Variants in ZFPM2 observed in about 807,000 individuals in gnomAD.
ZFPM2 encodes the protein zinc finger protein ZFPM2.
In ZFPM2, 20 loss-of-function variants were observed where a neutral mutation model predicts 98.6. That is an observed-to-expected ratio of 0.20 (90% CI 0.14 to 0.29). The LOEUF is 0.29. Ranked by LOEUF, ZFPM2 falls within the 10% of genes least tolerant of loss-of-function variation. The pLI is 1.00. For synonymous variants in ZFPM2, 518 were observed against 502.7 expected, an observed-to-expected ratio of 1.03 and a Z score of -0.41; for missense variants, 1,310 against 1,388.6, an observed-to-expected ratio of 0.94 and a Z score of 0.90.
intron 5 of ZFPM2, among the ~76,000 whole-genome samples, chr8:105,781,373 A>G (rs1449933844): frequency 6.6e-6 from 1 of 152,204 alleles, no homozygotes; most frequent in Non-Finnish European, 1.5e-5. Flanking sequence ...CCTGGCACAT[A>G]GTAAGTGCTT....
intron 3 of ZFPM2, among the ~76,000 whole-genome samples, chr8:105,487,896 A>G (rs302956): frequency 0.52 from 67,248 of 129,278 alleles, 15,986 homozygotes; most frequent in East Asian, 0.66. Flanking sequence ...CTGTCTGTCT[A>G]TCTATCTATC....
intron 5 of ZFPM2, among the ~76,000 whole-genome samples, chr8:105,680,289 A>T (rs993120199): frequency 6.6e-6 from 1 of 152,176 alleles, no homozygotes; most frequent in Non-Finnish European, 1.5e-5. Flanking sequence ...TGGATTGAAA[A>T]TGCCTACTAC....
chr8:105,411,222 A>G (rs1218494335), intron 1 of ZFPM2, among the ~76,000 whole-genome samples: 1 of 151,856 alleles, frequency 6.6e-6, no homozygotes, highest in African/African-American at 2.4e-5. Flanking sequence ...TGCTGCTTTC[A>G]GTTGCAAATG....
At chr8:105,431,208 C>T (rs1045512838) in intron 2 of ZFPM2, among the ~76,000 whole-genome samples, 11 of 151,902 alleles carry the variant, frequency 7.2e-5, no homozygotes, top group African/African-American at 2.4e-4. Context: ...ACACCTGGCC[C>T]ACAACTTATT....
intron 5 of ZFPM2, among the ~76,000 whole-genome samples, chr8:105,743,389 A>G (rs937575255): frequency 1.3e-5 from 2 of 152,046 alleles, no homozygotes; most frequent in Non-Finnish European, 2.9e-5. Flanking sequence ...TTTTTAAAAA[A>G]GAGAGATAAA....
In ZFPM2 at chr8:105,529,570, ACT is replaced by A. The variant is rs200721711; in HGVS notation, c.302-31789_302-31788del. On this transcript the variant is annotated intron_variant, in intron 3 of 7. Transcript: ENST00000407775. ...TTTCATGTGCTCTTCTAACAACACA[ACT>A]CTCAGCATTTTTTTTTTTTTTTTTG... 4.7e-3 allele frequency among the ~76,000 whole-genome samples: 673 copies of A among 144,704 alleles called. 4 individuals are homozygous for A. Among genetic ancestry groups the A allele is most frequent in the African/African-American group, 0.016 (629 of 38,336 alleles). 94.9% of individuals were successfully genotyped at this position (144,704 alleles called of 152,430 possible).
At chr8:105,710,666 T>G (rs1338006295) in intron 5 of ZFPM2, among the ~76,000 whole-genome samples, 2 of 1,054 alleles carry the variant, frequency 1.9e-3, no homozygotes, top group African/African-American at 7.4e-3. Context: ...CACAAAATTG[T>G]GTGTGTGTGT....
intron 5 of ZFPM2, among the ~76,000 whole-genome samples, chr8:105,684,506 A>G (rs995499654): frequency 3.3e-5 from 5 of 152,110 alleles, no homozygotes; most frequent in Admixed American, 3.3e-4. Flanking sequence ...AAAATACTGC[A>G]ATTTGGTTGA....
intron 5 of ZFPM2, among the ~76,000 whole-genome samples, chr8:105,785,417 T>G (rs536578726): frequency 1.9e-4 from 21 of 109,592 alleles, no homozygotes; most frequent in African/African-American, 1.3e-3. Context: ...GTTTGGACTT[T>G]GCAGTTGGAC....
intron 4 of ZFPM2, among the ~76,000 whole-genome samples, chr8:105,578,480 A>C (rs147690184): frequency 3.3e-5 from 5 of 152,232 alleles, no homozygotes; most frequent in African/African-American, 1.2e-4. Context: ...AACAATTCAG[A>C]GTATTCTTAA....
At chr8:105,360,462 AC>A (rs1225977755) in intron 1 of ZFPM2, among the ~76,000 whole-genome samples, 42 of 152,168 alleles carry the variant, frequency 2.8e-4, no homozygotes, top group East Asian at 2.7e-3. Context: ...TGGGGAACAT[AC>A]TTTTATTTAT....
At chr8:105,522,157 G>A (rs1436935984) in intron 3 of ZFPM2, among the ~76,000 whole-genome samples, 1 of 152,178 alleles carries the variant, frequency 6.6e-6, no homozygotes, top group Non-Finnish European at 1.5e-5. Flanking sequence ...AAAATGAGAT[G>A]AGACCTCAAA....
At chr8:105,549,692 G>A (rs753681663) in intron 3 of ZFPM2, among the ~76,000 whole-genome samples, 3 of 150,828 alleles carry the variant, frequency 2.0e-5, no homozygotes, top group Non-Finnish European at 1.5e-5. Context: ...GTTCACTGTA[G>A]CCTCCAACTC....
At chr8:105,774,699 T>C (rs1813058372) in intron 5 of ZFPM2, among the ~76,000 whole-genome samples, 1 of 152,154 alleles carries the variant, frequency 6.6e-6, no homozygotes, top group Non-Finnish European at 1.5e-5. Context: ...AGGCATAAAA[T>C]GATGTTGGTT....
At chr8:105,617,019 C>G (rs547056002) in intron 4 of ZFPM2, among the ~76,000 whole-genome samples, 3 of 15,774 alleles carry the variant, frequency 1.9e-4, no homozygotes, top group Non-Finnish European at 3.2e-4. Flanking sequence ...GACTCTGTCT[C>G]GAAAAAAAAA....
chr8:105,762,824 T>A (rs1353997142), intron 5 of ZFPM2, among the ~76,000 whole-genome samples: 1 of 151,892 alleles, frequency 6.6e-6, no homozygotes, highest in Non-Finnish European at 1.5e-5. Context: ...ACACATGATA[T>A]AATCTTTAAC....
At chr8:105,653,592 A>G (rs1219175937) in intron 5 of ZFPM2, among the ~76,000 whole-genome samples, 1 of 152,212 alleles carries the variant, frequency 6.6e-6, no homozygotes, top group East Asian at 1.9e-4. Context: ...ACAAGATCCT[A>G]GGTGATCTGT....
At chr8:105,329,661 C>T (rs1173445378) in intron 1 of ZFPM2, among the ~76,000 whole-genome samples, 2 of 151,652 alleles carry the variant, frequency 1.3e-5, no homozygotes, top group African/African-American at 4.8e-5. Context: ...AAAATTACTT[C>T]GTAAATTAAT....
At chr8:105,788,985 A>G in intron 6 of ZFPM2, 61 bp downstream of exon 6, 1 of 1,395,316 alleles carries the variant, frequency 7.2e-7, no homozygotes, top group Non-Finnish European at 9.7e-7. Flanking sequence ...GGGAGAAAAA[A>G]ATGTCTACTG....
Sources: gnomAD v4.1 joint callset for allele counts (sites outside exome capture counted in the v4.1 genomes callset) on GRCh38, gnomAD v4.1.1 for gene constraint, MANE v1.5 for transcripts, NCBI Gene and HGNC (gene_info 2026-07-23, HGNC 2026-07-21) for gene names.